ESRRG: variants seen among roughly 807,000 people sequenced by gnomAD.
The protein encoded by ESRRG is estrogen-related receptor gamma.
In ESRRG, 13 loss-of-function variants were observed where a neutral mutation model predicts 44.0. That is an observed-to-expected ratio of 0.30 (90% CI 0.19 to 0.47). ESRRG has a LOEUF of 0.47. Ranked by LOEUF, ESRRG falls within the 20% of genes least tolerant of loss-of-function variation. The pLI, the probability that ESRRG is intolerant of heterozygous loss-of-function variation, is 1.00. For missense variants in ESRRG, 395 were observed against 580.6 expected, an observed-to-expected ratio of 0.68 and a Z score of 3.29; for synonymous variants, 215 against 214.6, an observed-to-expected ratio of 1.00 and a Z score of -0.02.
intron 1 of ESRRG, among the ~76,000 whole-genome samples, chr1:217,097,587 G>A (rs745616399): frequency 2.6e-5 from 4 of 152,104 alleles, no homozygotes; most frequent in Non-Finnish European, 4.4e-5. Context: ...ATTTTCCTAA[G>A]CTCTCATTGA....
chr1:216,816,004 T>C (rs1226296089), intron 2 of ESRRG, among the ~76,000 whole-genome samples: 1 of 152,158 alleles, frequency 6.6e-6, no homozygotes, highest in Non-Finnish European at 1.5e-5. Context: ...ATGGCTCACA[T>C]GCAAAGTGTA....
intron 1 of ESRRG, among the ~76,000 whole-genome samples, chr1:217,033,915 A>G (rs772362276): frequency 2.6e-5 from 4 of 152,212 alleles, no homozygotes; most frequent in African/African-American, 4.8e-5. Flanking sequence ...CGTTAAAGCT[A>G]TGCAGTTACT....
chr1:216,930,593 G>A (rs1258085538), intron 2 of ESRRG, among the ~76,000 whole-genome samples: 1 of 152,236 alleles, frequency 6.6e-6, no homozygotes, highest in African/African-American at 2.4e-5. Context: ...AAACTGCAAA[G>A]ACGTATAAGA....
At chr1:216,743,732 T>G (rs766898153) in intron 2 of ESRRG, among the ~76,000 whole-genome samples, 1 of 152,172 alleles carries the variant, frequency 6.6e-6, no homozygotes, top group African/African-American at 2.4e-5. Flanking sequence ...GTCATTGACA[T>G]GATGGTCAGT....
intron 1 of ESRRG, chr1:216,682,009 G>A (rs1559195124): frequency 6.6e-6 from 1 of 152,182 alleles, no homozygotes; most frequent in Admixed American, 6.5e-5. Context: ...CTCAGCCAGT[G>A]CTTGTATTTG....
At chr1:216,685,436 A>G (rs1418891717) in intron 1 of ESRRG, among the ~76,000 whole-genome samples, 2 of 152,214 alleles carry the variant, frequency 1.3e-5, no homozygotes, top group African/African-American at 4.8e-5. Flanking sequence ...ATATGGATCA[A>G]TAAAGTTTGC....
chr1:217,086,614 G>A (rs544164370), intron 1 of ESRRG, among the ~76,000 whole-genome samples: 39 of 152,248 alleles, frequency 2.6e-4, no homozygotes, highest in Admixed American at 9.8e-4. Flanking sequence ...TAAAAATACC[G>A]TGTAAAAATT....
chr1:216,832,759 T>A (rs994365423), intron 2 of ESRRG, among the ~76,000 whole-genome samples: 4 of 151,986 alleles, frequency 2.6e-5, no homozygotes, highest in Non-Finnish European at 5.9e-5. Flanking sequence ...GGGTCAAGAG[T>A]TCGAGACCAG....
chr1:216,845,614 T>TC lies in ESRRG; in HGVS notation c.-14+93967dup, dbSNP rs2095732803. On this transcript the variant is annotated intron_variant, in intron 2 of 7. Coordinates refer to the ESRRG transcript ENST00000359162. ...CTGGCTTGTAAGCTATACTGTTTTA[T>TC]CCCCTCTAGACTCTGAAGCATCCAG... 2.6e-5 allele frequency among the ~76,000 whole-genome samples: 4 copies of TC among 151,200 alleles called. No homozygotes were observed. In the South Asian group the frequency reaches 8.3e-4, roughly 31 times the overall value.
chr1:216,524,438 G>A (rs539491420), intron 5 of ESRRG, among the ~76,000 whole-genome samples: 2 of 151,656 alleles, frequency 1.3e-5, no homozygotes, highest in African/African-American at 4.8e-5. Flanking sequence ...CTTTAAAAGA[G>A]ATGATAATGA....
intron 1 of ESRRG, among the ~76,000 whole-genome samples, chr1:217,053,900 G>T (rs1252300604): frequency 6.6e-6 from 1 of 152,006 alleles, no homozygotes; most frequent in East Asian, 1.9e-4. Context: ...TGGCACAAAG[G>T]CTCTTGTGTA....
At chr1:217,079,915 C>G (rs2091614609) in intron 1 of ESRRG, among the ~76,000 whole-genome samples, 4 of 152,114 alleles carry the variant, frequency 2.6e-5, no homozygotes, top group Admixed American at 2.0e-4. Context: ...TTTAAATGCT[C>G]TGTTTCATTT....
chr1:216,791,481 T>G (rs2094318165), intron 2 of ESRRG, among the ~76,000 whole-genome samples: 1 of 152,120 alleles, frequency 6.6e-6, no homozygotes, highest in Admixed American at 6.5e-5. Context: ...CAGGTATTTT[T>G]TTATAGCAGT....
chr1:216,997,525 G>A (rs1488478507), intron 1 of ESRRG, among the ~76,000 whole-genome samples: 8 of 152,200 alleles, frequency 5.3e-5, no homozygotes, highest in African/African-American at 1.9e-4. Flanking sequence ...CCCAACCTTT[G>A]ATGTTTCCTG....
intron 5 of ESRRG, among the ~76,000 whole-genome samples, chr1:216,560,992 A>G (rs1434682078): frequency 6.6e-6 from 1 of 152,114 alleles, no homozygotes; most frequent in African/African-American, 2.4e-5. Flanking sequence ...TTGTGCCCTT[A>G]TGCTCCTCCA....
intron 3 of ESRRG, among the ~76,000 whole-genome samples, chr1:216,592,908 C>T (rs1383589935): frequency 6.6e-6 from 1 of 152,134 alleles, no homozygotes; most frequent in Non-Finnish European, 1.5e-5. Context: ...ATCTGATTCG[C>T]ATATTTATTG....
At chr1:216,937,391 T>C (rs148177141) in intron 2 of ESRRG, among the ~76,000 whole-genome samples, 1 of 152,150 alleles carries the variant, frequency 6.6e-6, no homozygotes, top group East Asian at 1.9e-4. Context: ...GTCCTAAAGG[T>C]TTCATTGATT....
At chr1:216,778,111 A>G (rs2093681125) in intron 2 of ESRRG, among the ~76,000 whole-genome samples, 1 of 152,100 alleles carries the variant, frequency 6.6e-6, no homozygotes. Context: ...TGAAGCTTGT[A>G]TAGGTGAGCT....
chr1:216,591,207 G>C (rs892874520), intron 3 of ESRRG, among the ~76,000 whole-genome samples: 1 of 152,198 alleles, frequency 6.6e-6, no homozygotes, highest in Non-Finnish European at 1.5e-5. Flanking sequence ...AGAAGAGAAG[G>C]ACTGAAGACT....
Sources: allele counts gnomAD v4.1 joint callset (sites outside exome capture counted in the v4.1 genomes callset), GRCh38; gene constraint gnomAD v4.1.1; transcripts MANE v1.5; gene names NCBI Gene and HGNC (gene_info 2026-07-23, HGNC 2026-07-21).